ITPR3: variants seen among roughly 807,000 people sequenced by gnomAD.
ITPR3 encodes inositol 1,4,5-trisphosphate-gated calcium channel ITPR3.
A neutral mutation model predicts 293.2 loss-of-function variants in ITPR3; 173 were observed. That is an observed-to-expected ratio of 0.59 (90% CI 0.52 to 0.67). The LOEUF (loss-of-function observed/expected upper bound fraction) is 0.67, where lower values mean the gene tolerates loss of function less well. Among genes scored for constraint, ITPR3 ranks in the 30% least tolerant of loss-of-function variants. ITPR3 has a pLI of 0.00. For missense variants in ITPR3, 2,796 were observed against 3,592.1 expected (o/e 0.78, Z 5.66); for synonymous variants, 1,295 against 1,444.4 (o/e 0.90, Z 2.35).
chr6:33,648,612 A>AT (rs11387939), intron 2 of ITPR3, among the ~76,000 whole-genome samples: 6,378 of 148,928 alleles, frequency 0.043, 147 homozygotes, highest in Non-Finnish European at 0.05. Flanking sequence ...TGCCATGTGT[A>AT]TTTTTTTTCT....
Position 33,694,984 on chromosome 6 carries a change from G to A in ITPR3, c.7846G>A (p.Glu2616Lys), listed in dbSNP as rs1156514397. The change falls in exon 57 of 58, where the codon GAG (glutamate) becomes AAG (lysine). Residue 2616 changes from glutamate to lysine, a missense_variant. By Grantham distance (56) the Glu-to-Lys change is moderately conservative (BLOSUM62 1). Around this residue, in one of 8 missense-constraint regions of ITPR3, gnomAD observed 568 missense variants for 796.1 expected, o/e 0.71. Coordinates refer to ENST00000605930, the MANE Select transcript of ITPR3 (RefSeq NM_002224.4). ...CATGTCCCTTGTCAGCAATGAGGGC[G>A]AGGGGGAGCAGAATGAGATTCGGAT... ...RAMSLVSNEGEGEQNEIRILQ... is the reference protein window; with the variant it reads ...RAMSLVSNEGKGEQNEIRILQ... 1.2e-6 allele frequency: 2 copies of A among 1,614,158 alleles called. No homozygotes were observed. Among genetic ancestry groups the A allele is most frequent in the East Asian group, 2.2e-5 (1 of 44,874 alleles).
chr6:33,685,482 CT>C lies in ITPR3; in HGVS notation c.5432del (p.Leu1811ArgfsTer44). On this transcript the variant is annotated frameshift_variant, in exon 40 of 58. Coordinates refer to ENST00000605930, the MANE Select transcript of ITPR3 (RefSeq NM_002224.4). LOFTEE classifies it high-confidence loss of function. The part of the protein sequence containing the change: ...KSTVAVNMND[L>X]GSQPHEDREP... ...CACGGTGGCAGTCAACATGAATGAC[CT>C]GGGCAGCCAGCCACATGAGGACCGC... is the stretch of plus-strand genomic sequence containing the variant. 6.2e-7 allele frequency: 1 copy of C among 1,613,572 alleles called. No homozygotes were observed. The highest frequency in any genetic ancestry group is 2.2e-5 in the East Asian group (1 of 44,854).
In ITPR3 at chr6:33,679,274, T is replaced by C. The variant is rs536628888; in HGVS notation, c.3972+435T>C. On this transcript the variant is annotated intron_variant, in intron 30 of 57. Coordinates refer to ENST00000605930, the MANE Select transcript of ITPR3 (RefSeq NM_002224.4). The surrounding 1 kb of genome is among the most constrained non-coding windows in gnomAD (Gnocchi z 4.2). ...CAGGGCCCCAGTGTGTGGCGCATAG[T>C]AGGTTCTCAACAGACACCTGTTGAG... Among the ~76,000 whole-genome samples the C allele has an allele frequency of 3.3e-5, 5 of 151,966 alleles. No individual in the cohort carries two copies. Among genetic ancestry groups the C allele is most frequent in the Non-Finnish European group, 4.4e-5 (3 of 67,982 alleles).
chr6:33,657,517 G>A (rs776773247), intron 3 of ITPR3, among the ~76,000 whole-genome samples: 4 of 149,034 alleles, frequency 2.7e-5, no homozygotes, highest in East Asian at 2.0e-4. Context: ...CCCTGCCAGC[G>A]TTTGGACTGG....
intron 1 of ITPR3, among the ~76,000 whole-genome samples, chr6:33,634,599 C>T (rs936044563): frequency 1.3e-5 from 2 of 152,134 alleles, no homozygotes; most frequent in Admixed American, 6.5e-5. Flanking sequence ...CCCTTCTGAC[C>T]GGTCCCTCCC....
At position 33,666,131 on chromosome 6, in the gene ITPR3, G is replaced by A. The variant is rs1220794973; in HGVS notation, c.1551+155G>A. ...CCCTAAGTACCCCACATGTGTTGACGAATTTGATCCTCACTGCCTGGAGGA... is the reference window on the plus strand; with the variant it reads ...CCCTAAGTACCCCACATGTGTTGACAAATTTGATCCTCACTGCCTGGAGGA... On this transcript the variant is annotated intron_variant, in intron 14 of 57. Transcript: ENST00000605930. This position sits in a 1 kb window ranked among gnomAD's most constrained non-coding sequence, Gnocchi z 5.1. 6.6e-6 allele frequency among the ~76,000 whole-genome samples: 1 copy of A among 152,170 alleles called. No individual in the cohort carries two copies. The highest frequency in any genetic ancestry group is 1.5e-5 in the Non-Finnish European group (1 of 68,034).
Position 33,667,979 on chromosome 6 carries a change from C to T in ITPR3, c.1886+15C>T, listed in dbSNP as rs765130503. The T allele has an allele frequency of 1.1e-5, 18 of 1,613,262 alleles. No homozygotes were observed. The highest frequency in any genetic ancestry group is 1.5e-5 in the Non-Finnish European group (18 of 1,179,602). On this transcript the variant is annotated intron_variant, in intron 16 of 57. Transcript: ENST00000605930. This position sits in a 1 kb window ranked among gnomAD's most constrained non-coding sequence, Gnocchi z 4.4. ...CGGGAGCCCAGGTGGGCCCGAACCC[C>T]CTCCCCGGCCGGCGCCTGCTCCTCC...
Position 33,662,687 on chromosome 6 carries a change from C to A in ITPR3, c.858+13C>A. The A allele has an allele frequency of 1.9e-6, 3 of 1,604,104 alleles. No individual in the cohort carries two copies. Among genetic ancestry groups the A allele is most frequent in the Non-Finnish European group, 2.5e-6 (3 of 1,179,806 alleles). Reference sequence around the variant, plus strand: ...CTGGGAGGTGGAGGTCAGAAAAGCCCTGCTTCTGGCACCCCGGACTCAGCC... The same window carrying A: ...CTGGGAGGTGGAGGTCAGAAAAGCCATGCTTCTGGCACCCCGGACTCAGCC... On this transcript the variant is annotated intron_variant, in intron 8 of 57. Transcript: ENST00000605930.
chr6:33,651,763 C>T (rs1561858160), intron 2 of ITPR3, among the ~76,000 whole-genome samples: 1 of 152,134 alleles, frequency 6.6e-6, no homozygotes, highest in Non-Finnish European at 1.5e-5. Context: ...TTTTAAAAAT[C>T]CAGTTGTTTT....
rs182672264 is a variant in ITPR3 at position 33,646,625 on chromosome 6, A to G, written c.160+6071A>G. Among the ~76,000 whole-genome samples, 1,378 of 152,064 alleles carry G rather than the reference A, an allele frequency of 9.1e-3. 25 individuals are homozygous for G. The highest frequency in any genetic ancestry group is 0.027 in the African/African-American group (1,104 of 41,464). On this transcript the variant is annotated intron_variant, in intron 2 of 57. Transcript: ENST00000605930. ...TTCCTCTCTCTCTCTTTCATTAATT[A>G]TATTCACTTTAGCCAGGTGTGGTGG...
chr6:33,688,440 C>G lies in ITPR3; in HGVS notation c.6568+9C>G. The G allele has an allele frequency of 1.2e-6, 1 of 866,830 alleles. No homozygotes were observed. The highest frequency in any genetic ancestry group is 1.6e-6 in the Non-Finnish European group (1 of 612,976). The allele number at this position is 866,830 out of a possible 1,614,324, so 53.7% of individuals were successfully genotyped here. A position where few individuals can be genotyped will look rare whatever the true frequency, so the allele number is the denominator to read the frequency against. ...GCAGCGCAAGCTCCGCAGTGAGGACCCACGGGCGGGAGGGTGGGGCGGTCT... is the reference window on the plus strand; with the variant it reads ...GCAGCGCAAGCTCCGCAGTGAGGACGCACGGGCGGGAGGGTGGGGCGGTCT... On this transcript the variant is annotated intron_variant, in intron 48 of 57. Coordinates refer to ENST00000605930, the MANE Select transcript of ITPR3 (RefSeq NM_002224.4).
At chr6:33,676,963 C>G in intron 26 of ITPR3, 31 bp downstream of exon 26, 3 of 1,613,966 alleles carry the variant, frequency 1.9e-6, no homozygotes, top group Non-Finnish European at 2.5e-6. Flanking sequence ...CCAGGGCAGG[C>G]CTCCCTGTGA....
In ITPR3 at chr6:33,658,636, G is replaced by A. The variant is rs149427831; in HGVS notation, c.370-34G>A. On this transcript the variant is annotated intron_variant, in intron 4 of 57. Transcript: ENST00000605930. This position sits in a 1 kb window ranked among gnomAD's most constrained non-coding sequence, Gnocchi z 6.1. The stretch of plus-strand genomic sequence containing the variant: ...TCCCTAATGGGCCGACTCCTGTGGC[G>A]CGGTGACCTTCCCGCACCCCACCTG... 1.5e-3 allele frequency: 2,378 copies of A among 1,610,036 alleles called. 34 individuals carry two copies. In the East Asian group the frequency reaches 0.024, roughly 16 times the overall value.
At position 33,680,462 on chromosome 6, in the gene ITPR3, C is replaced by G; in HGVS notation, c.4350+8C>G. On this transcript the variant is annotated splice_region_variant and intron_variant, in intron 32 of 57. Coordinates refer to ENST00000605930, the MANE Select transcript of ITPR3 (RefSeq NM_002224.4). Reference sequence around the variant, plus strand: ...ACCCTGGACATGGCCCGGGTCTGTCCCTGTGAGGGGTGTGGGTGAAGCCCC... The same window carrying G: ...ACCCTGGACATGGCCCGGGTCTGTCGCTGTGAGGGGTGTGGGTGAAGCCCC... The G allele has an allele frequency of 6.2e-7, 1 of 1,612,688 alleles. No homozygotes were observed. Among genetic ancestry groups the G allele is most frequent in the South Asian group, 1.1e-5 (1 of 91,042 alleles).
At chr6:33,635,025 C>G (rs751668150) in intron 1 of ITPR3, among the ~76,000 whole-genome samples, 2 of 152,164 alleles carry the variant, frequency 1.3e-5, no homozygotes, top group Non-Finnish European at 2.9e-5. Context: ...TGCTGCCCTG[C>G]GGCTCCATCA....
In ITPR3 at chr6:33,652,657, G is replaced by T. The variant is rs1030811159; in HGVS notation, c.161-3109G>T. 3.3e-5 allele frequency among the ~76,000 whole-genome samples: 5 copies of T among 151,934 alleles called. No homozygotes were observed. In the East Asian group the frequency reaches 7.8e-4, roughly 24 times the overall value. ...ATTTTTGTATTTTTAGTAGAGATGG[G>T]GTTTCACCACGTTGGTCAGGCTGGT... On this transcript the variant is annotated intron_variant, in intron 2 of 57. Coordinates refer to ENST00000605930, the MANE Select transcript of ITPR3 (RefSeq NM_002224.4).
intron 1 of ITPR3, among the ~76,000 whole-genome samples, chr6:33,631,775 C>T (rs989646393): frequency 6.6e-6 from 1 of 152,176 alleles, no homozygotes; most frequent in Non-Finnish European, 1.5e-5. Flanking sequence ...GGGTGCATTC[C>T]CAGACACTGG....
intron 55 of ITPR3, 114 bp from the exon 56 acceptor site, chr6:33,693,431 G>A (rs1273049085): frequency 2.6e-5 from 27 of 1,050,450 alleles, no homozygotes; most frequent in Non-Finnish European, 3.6e-5. Flanking sequence ...TGTTGGAAGC[G>A]CTCATCCCGA....
Position 33,679,080 on chromosome 6 carries a change from A to G in ITPR3, c.3972+241A>G. 6.6e-6 allele frequency among the ~76,000 whole-genome samples: 1 copy of G among 152,234 alleles called. No individual in the cohort carries two copies. The highest frequency in any genetic ancestry group is 1.5e-5 in the Non-Finnish European group (1 of 68,040). Reference sequence around the variant, plus strand: ...GCATCAGGCACCTAGCAGAACTCAGACAACAGGCCAGAAAGAAATCAAGCA... The same window carrying G: ...GCATCAGGCACCTAGCAGAACTCAGGCAACAGGCCAGAAAGAAATCAAGCA... On this transcript the variant is annotated intron_variant, in intron 30 of 57. Coordinates refer to ENST00000605930, the MANE Select transcript of ITPR3 (RefSeq NM_002224.4). The surrounding 1 kb of genome is among the most constrained non-coding windows in gnomAD (Gnocchi z 4.2).
Sources: gnomAD v4.1 joint callset for allele counts (sites outside exome capture counted in the v4.1 genomes callset) on GRCh38, gnomAD v4.1.1 for gene constraint, gnomAD v4.1.1 regional missense constraint, Gnocchi (gnomAD v3.1) non-coding constraint, MANE v1.5 for transcripts, NCBI Gene and HGNC (gene_info 2026-07-23, HGNC 2026-07-21) for gene names.